The following DENND1A variants were observed in gnomAD, a reference collection of about 807,000 sequenced individuals.
DENND1A encodes the protein DENN domain containing 1A, also known as DENN domain-containing protein 1A.
DENND1A carries 51 observed loss-of-function variants against 113.7 expected under a neutral mutation model. The observed-to-expected ratio is 0.45, with a 90% CI of 0.36 to 0.57. The LOEUF is 0.57. DENND1A is among the 20% of genes least tolerant of loss of function. The pLI, the probability that DENND1A is intolerant of heterozygous loss-of-function variation, is 0.00. For missense variants in DENND1A, 1,258 were observed against 1,395.9 expected (o/e 0.90, Z 1.57); for synonymous variants, 565 against 570.8 (o/e 0.99, Z 0.14).
At chr9:123,659,728 CAG>C (rs890354483) in intron 8 of DENND1A, among the ~76,000 whole-genome samples, 2 of 152,214 alleles carry the variant, frequency 1.3e-5, no homozygotes, top group African/African-American at 4.8e-5. Flanking sequence ...TAGCAAAGCC[CAG>C]AGTCTGGTTG....
At chr9:123,756,853 C>G (rs956777075) in intron 5 of DENND1A, among the ~76,000 whole-genome samples, 2 of 152,184 alleles carry the variant, frequency 1.3e-5, no homozygotes, top group Non-Finnish European at 2.9e-5. Context: ...CTTTTATTCC[C>G]AGGCCCAGGC....
intron 2 of DENND1A, among the ~76,000 whole-genome samples, chr9:123,840,628 G>A (rs1841690368): frequency 6.6e-6 from 1 of 152,134 alleles, no homozygotes; most frequent in African/African-American, 2.4e-5. Flanking sequence ...GTCCCCAAGG[G>A]CCTAGCACAG....
chr9:123,588,059 C>G (rs7873351), intron 11 of DENND1A, among the ~76,000 whole-genome samples: 2 of 151,962 alleles, frequency 1.3e-5, no homozygotes, highest in South Asian at 4.2e-4. Context: ...GAGCAGATCA[C>G]CAGAGGTCAG....
chr9:123,485,952 T>C (rs2050824712), intron 13 of DENND1A, among the ~76,000 whole-genome samples: 1 of 152,176 alleles, frequency 6.6e-6, no homozygotes, highest in South Asian at 2.1e-4. Flanking sequence ...CCCTGGCCCA[T>C]GGGCTCTGTG....
intron 12 of DENND1A, among the ~76,000 whole-genome samples, chr9:123,573,798 C>A (rs747458665): frequency 3.3e-5 from 5 of 151,672 alleles, no homozygotes; most frequent in Non-Finnish European, 7.4e-5. Flanking sequence ...ACCTCCAGTA[C>A]AATGTTGAAT....
chr9:123,566,592 C>T (rs916867674), intron 12 of DENND1A, among the ~76,000 whole-genome samples: 3 of 152,110 alleles, frequency 2.0e-5, no homozygotes, highest in Admixed American at 6.5e-5. Flanking sequence ...TGCTGAGCAT[C>T]CCAGGAATAA....
At chr9:123,767,261 C>T (rs1419280330) in intron 4 of DENND1A, among the ~76,000 whole-genome samples, 1 of 151,520 alleles carries the variant, frequency 6.6e-6, no homozygotes, top group Non-Finnish European at 1.5e-5. Flanking sequence ...ATATATAGTC[C>T]CCACATAAAA....
intron 6 of DENND1A, among the ~76,000 whole-genome samples, chr9:123,673,796 C>G (rs1335595842): frequency 6.6e-6 from 1 of 152,168 alleles, no homozygotes; most frequent in Admixed American, 6.5e-5. Flanking sequence ...AGTTTTCTCC[C>G]TCTACATATC....
chr9:123,414,708 G>T, intron 19 of DENND1A: 3 of 1,332,914 alleles, frequency 2.3e-6, no homozygotes, highest in East Asian at 2.5e-5. Flanking sequence ...ACATAGACTT[G>T]CTTTCCCTAT....
At chr9:123,895,631 A>AT (rs1850628199) in intron 1 of DENND1A, among the ~76,000 whole-genome samples, 1 of 151,960 alleles carries the variant, frequency 6.6e-6, no homozygotes. Context: ...CAAAAAAAAA[A>AT]AAAGAAAAAA....
At chr9:123,718,550 T>C (rs1361902466) in intron 5 of DENND1A, among the ~76,000 whole-genome samples, 1 of 152,216 alleles carries the variant, frequency 6.6e-6, no homozygotes, top group Non-Finnish European at 1.5e-5. Flanking sequence ...TCAGTGAAAT[T>C]TCTTAAGTCA....
rs1027448440 is a variant in DENND1A at position 123,440,478 on chromosome 9, T to C, written c.1370A>G (p.Asn457Ser). 5.7e-6 allele frequency: 9 copies of C among 1,571,862 alleles called. No individual in the cohort carries two copies. Among genetic ancestry groups the C allele is most frequent in the Non-Finnish European group, 7.7e-6 (9 of 1,167,076 alleles). ...CTCTTCTGGGGTGGGGGCGCAGCCA[T>C]TCTCGGCAATGTCCTGTAGGGAGAA... ...NRLKQKDIAE[N>S]GCAPTPEEQL... is the part of the protein sequence containing the mutation. The change falls in exon 19 of 24, where the codon AAT (asparagine) becomes AGT (serine). Residue 457 changes from asparagine (N) to serine (S), a missense_variant. Transcript: ENST00000394215.
chr9:123,904,080 C>T (rs1852280356), intron 1 of DENND1A, among the ~76,000 whole-genome samples: 1 of 152,106 alleles, frequency 6.6e-6, no homozygotes, highest in African/African-American at 2.4e-5. Context: ...CCCCGAGCAG[C>T]CTAACTGGGA....
intron 10 of DENND1A, among the ~76,000 whole-genome samples, chr9:123,629,432 A>C (rs949234603): frequency 6.6e-6 from 1 of 152,238 alleles, no homozygotes; most frequent in African/African-American, 2.4e-5. Context: ...TCACAAAGAC[A>C]GTCTGTTTTG....
chr9:123,632,909 A>T (rs10283413), intron 9 of DENND1A, among the ~76,000 whole-genome samples: 62,484 of 150,296 alleles, frequency 0.42, 13,384 homozygotes, highest in African/African-American at 0.51. Flanking sequence ...AATAATAATA[A>T]TATTATTATT....
In DENND1A at chr9:123,903,188, C is replaced by T. The variant is rs1020599221; in HGVS notation, c.18-24167G>A. ...TCTACTAAAAATACAAAAAATTAGC[C>T]GGGCATAGTGGCGGGCGCCTGTAGT... On this transcript the variant is annotated intron_variant, in intron 1 of 23. Transcript: ENST00000394215. Among the ~76,000 whole-genome samples, 12 of 150,878 alleles carry T rather than the reference C, an allele frequency of 8.0e-5. No homozygotes were observed. The South Asian group carries it at 1.3e-3, about 16-fold the overall frequency.
chr9:123,850,935 A>T (rs1421745250), intron 2 of DENND1A, among the ~76,000 whole-genome samples: 1 of 152,240 alleles, frequency 6.6e-6, no homozygotes, highest in Non-Finnish European at 1.5e-5. Context: ...GGAATAAAAA[A>T]ATGAAGCATA....
chr9:123,541,772 G>C (rs1293270837), intron 13 of DENND1A, among the ~76,000 whole-genome samples: 1 of 152,214 alleles, frequency 6.6e-6, no homozygotes, highest in Non-Finnish European at 1.5e-5. Context: ...GATGCACAGA[G>C]GACGAGTACT....
chr9:123,417,154 A>G (rs1290298336), intron 19 of DENND1A, among the ~76,000 whole-genome samples: 1 of 152,230 alleles, frequency 6.6e-6, no homozygotes, highest in East Asian at 1.9e-4. Context: ...TGAGGATGAG[A>G]GTACAGTTAC....
Sources: allele counts gnomAD v4.1 joint callset (sites outside exome capture counted in the v4.1 genomes callset), GRCh38; gene constraint gnomAD v4.1.1; transcripts MANE v1.5; gene names NCBI Gene and HGNC (gene_info 2026-07-23, HGNC 2026-07-21).